HIRA: variants seen among roughly 807,000 people sequenced by gnomAD.
HIRA encodes protein HIRA.
A neutral mutation model predicts 126.6 loss-of-function variants in HIRA; 13 were observed. That is an observed-to-expected ratio of 0.10 (90% CI 0.07 to 0.16). The LOEUF is 0.16. Among genes scored for constraint, HIRA ranks in the 10% least tolerant of loss-of-function variants. The probability of loss-of-function intolerance (pLI) is 1.00; values close to 1 mark genes in which losing one functional copy is unlikely to be tolerated. For missense variants in HIRA, 834 were observed against 1,314.4 expected, an observed-to-expected ratio of 0.63 and a Z score of 5.65; for synonymous variants, 511 against 520.0, an observed-to-expected ratio of 0.98 and a Z score of 0.24.
intron 23 of HIRA, among the ~76,000 whole-genome samples, chr22:19,352,568 CAT>C (rs1464899193): frequency 3.5e-4 from 53 of 152,300 alleles, no homozygotes; most frequent in Admixed American, 4.6e-4. Flanking sequence ...CACACACACA[CAT>C]ACACTCGTAT....
At chr22:19,335,301 G>C (rs1471733618) in intron 24 of HIRA, among the ~76,000 whole-genome samples, 1 of 151,794 alleles carries the variant, frequency 6.6e-6, no homozygotes, top group East Asian at 1.9e-4. Flanking sequence ...CTGGAGTGCA[G>C]TGGCGTGATC....
At position 19,385,679 on chromosome 22, in the gene HIRA, G is replaced by T; in HGVS notation, c.1171C>A (p.Leu391Ile). The part of the protein sequence containing the change: ...KSLAIMTEAQ[L>I]STAVIENPEM... ...GGGTTCTCAATGACGGCTGTGGAGA[G>T]CTGGGCCTCGGTCATGATGGCTAGG... Residue 391 changes from leucine (L) to isoleucine (I), a missense_variant, in exon 12 of 25, where the codon CTC becomes ATC. Around this residue, in one of 5 missense-constraint regions of HIRA, gnomAD observed 153 missense variants for 270.6 expected, o/e 0.57. Coordinates refer to ENST00000263208, the MANE Select transcript of HIRA (RefSeq NM_003325.4). 1 of 1,614,202 alleles carries T rather than the reference G, an allele frequency of 6.2e-7. No homozygotes were observed. Among genetic ancestry groups the T allele is most frequent in the Non-Finnish European group, 8.5e-7 (1 of 1,180,034 alleles).
At position 19,351,668 on chromosome 22, in the gene HIRA, C is replaced by T. The variant is rs1295606447; in HGVS notation, c.2849-222G>A. Among the ~76,000 whole-genome samples the T allele has an allele frequency of 6.6e-6, 1 of 152,174 alleles. No homozygotes were observed. Among genetic ancestry groups the T allele is most frequent in the African/African-American group, 2.4e-5 (1 of 41,422 alleles). ...AGATTTTCACTCACTTGCTCACTCC[C>T]CTGACATCTGTAGTGCCTCCTCTGT... On this transcript the variant is annotated intron_variant, in intron 23 of 24. Transcript: ENST00000263208. The surrounding 1 kb of genome is among the most constrained non-coding windows in gnomAD (Gnocchi z 4.8).
At chr22:19,333,370 T>A (rs2088517931) in intron 24 of HIRA, among the ~76,000 whole-genome samples, 1 of 152,148 alleles carries the variant, frequency 6.6e-6, no homozygotes, top group African/African-American at 2.4e-5. Flanking sequence ...CTAAGAAATT[T>A]GAACATTTAG....
chr22:19,355,561 C>T (rs2088803448), intron 21 of HIRA, among the ~76,000 whole-genome samples, 199 bp downstream of exon 21: 1 of 152,228 alleles, frequency 6.6e-6, no homozygotes, highest in African/African-American at 2.4e-5. Flanking sequence ...CACACAGGCT[C>T]TGAGGGCAGA....
chr22:19,407,514 G>A (rs1284738149), intron 3 of HIRA, among the ~76,000 whole-genome samples: 1 of 152,214 alleles, frequency 6.6e-6, no homozygotes, highest in Admixed American at 6.5e-5. Context: ...AGAATCGTTA[G>A]TGCTGAATGA....
Position 19,331,448 on chromosome 22 carries a change from C to G in HIRA, c.3046G>C (p.Asp1016His). 6.2e-7 allele frequency: 1 copy of G among 1,614,040 alleles called. No homozygotes were observed. The highest frequency in any genetic ancestry group is 8.5e-7 in the Non-Finnish European group (1 of 1,179,984). ...GGGCAGGCTGGGGCAGGCTACTTGT[C>G]CCTCAGGATGTCGAGCTGTTCCTGA... ...ECQEQLDILRDK is the reference protein window; with the variant it reads ...ECQEQLDILRHK Residue 1016 changes from aspartate (D) to histidine (H), a missense_variant, in exon 25 of 25, where the codon GAC (aspartate) becomes CAC (histidine). Physicochemically the swap from Asp to His is moderately conservative, Grantham distance 81. This residue lies in a region of HIRA where 58 missense variants were observed against 114.5 expected (regional missense o/e 0.51). Coordinates refer to ENST00000263208, the MANE Select transcript of HIRA (RefSeq NM_003325.4).
intron 5 of HIRA, 92 bp downstream of exon 5, chr22:19,405,694 A>C (rs957257878): frequency 1.4e-5 from 14 of 1,013,928 alleles, no homozygotes; most frequent in African/African-American, 1.7e-5. Context: ...GGCTGCTTTA[A>C]GGACCAAACA....
intron 5 of HIRA, among the ~76,000 whole-genome samples, chr22:19,400,509 T>A (rs2089259264): frequency 6.6e-6 from 1 of 152,242 alleles, no homozygotes; most frequent in South Asian, 2.1e-4. Flanking sequence ...GAACTTTGAA[T>A]GTTTTCATCC....
intron 17 of HIRA, among the ~76,000 whole-genome samples, chr22:19,359,781 C>T (rs2088847203): frequency 6.6e-6 from 1 of 152,168 alleles, no homozygotes; most frequent in African/African-American, 2.4e-5. Flanking sequence ...CAAAGTCTCC[C>T]AACCCTGCCA....
chr22:19,396,771 A>G lies in HIRA; in HGVS notation c.654+16T>C, dbSNP rs1480096305. The G allele has an allele frequency of 6.2e-7, 1 of 1,613,138 alleles. No individual in the cohort carries two copies. Among genetic ancestry groups the G allele is most frequent in the African/African-American group, 1.3e-5 (1 of 75,004 alleles). On this transcript the variant is annotated intron_variant, in intron 7 of 24. Coordinates refer to ENST00000263208, the MANE Select transcript of HIRA (RefSeq NM_003325.4). The stretch of plus-strand genomic sequence containing the variant: ...GCAGCTGCGGGGGCTCAGCTCCCTG[A>G]GCTGTCCCCACTTACCTCATCAAAA...
intron 6 of HIRA, 113 bp downstream of exon 6, chr22:19,397,879 A>G: frequency 1.5e-6 from 1 of 656,178 alleles, no homozygotes; most frequent in Non-Finnish European, 2.7e-6. Flanking sequence ...CATAAATCCT[A>G]GGCCACTGTG....
intron 1 of HIRA, among the ~76,000 whole-genome samples, chr22:19,421,963 T>C (rs1286241200): frequency 6.6e-6 from 1 of 152,082 alleles, no homozygotes; most frequent in Non-Finnish European, 1.5e-5. Context: ...TGAGCCACCA[T>C]GCCCGGCCTG....
At position 19,385,562 on chromosome 22, in the gene HIRA, C is replaced by T. The variant is rs375105424; in HGVS notation, c.1288G>A (p.Ala430Thr). 33 of 1,614,010 alleles carry T rather than the reference C, an allele frequency of 2.0e-5. No individual in the cohort carries two copies. In the Middle Eastern group the frequency reaches 8.2e-4, roughly 40 times the overall value. ...AGACTCTCCCCGTTGACAACGCCTGCGACTGAGGTGGCTGAGCCCATCTCC... is the reference window on the plus strand; with the variant it reads ...AGACTCTCCCCGTTGACAACGCCTGTGACTGAGGTGGCTGAGCCCATCTCC... ...TREMGSATSV[A>T]GVVNGESLED... Residue 430 changes from alanine to threonine, a missense_variant, in exon 12 of 25, where the codon GCA becomes ACA. By Grantham distance (58) the Ala-to-Thr change is moderately conservative. Transcript: ENST00000263208.
intron 15 of HIRA, among the ~76,000 whole-genome samples, chr22:19,368,797 TC>T (rs1484101751): frequency 1.7e-4 from 26 of 152,288 alleles, no homozygotes; most frequent in Admixed American, 1.5e-3. Flanking sequence ...GGCGGTGGCT[TC>T]CTGAGCTCAC....
At chr22:19,404,064 C>T (rs2089289925) in intron 5 of HIRA, among the ~76,000 whole-genome samples, 1 of 152,134 alleles carries the variant, frequency 6.6e-6, no homozygotes, top group South Asian at 2.1e-4. Flanking sequence ...TTTTCTAGAT[C>T]TTTAAACTCT....
chr22:19,345,776 G>A (rs2088679992), intron 24 of HIRA, among the ~76,000 whole-genome samples: 1 of 152,140 alleles, frequency 6.6e-6, no homozygotes, highest in Non-Finnish European at 1.5e-5. Flanking sequence ...CTAAGAACAG[G>A]GCCTGGCTGG....
intron 12 of HIRA, among the ~76,000 whole-genome samples, chr22:19,384,542 G>A (rs574489286): frequency 5.7e-4 from 86 of 152,168 alleles, no homozygotes; most frequent in African/African-American, 2.0e-3. Flanking sequence ...CAAGCAGTGG[G>A]TACATGCCAC....
At chr22:19,389,474 G>A (rs2089157590) in intron 9 of HIRA, among the ~76,000 whole-genome samples, 1 of 152,228 alleles carries the variant, frequency 6.6e-6, no homozygotes, top group African/African-American at 2.4e-5. Flanking sequence ...CTGGGAGGCT[G>A]TGGGGCTGAG....
Sources: gnomAD v4.1 joint callset for allele counts (sites outside exome capture counted in the v4.1 genomes callset) on GRCh38, gnomAD v4.1.1 for gene constraint, gnomAD v4.1.1 regional missense constraint, Gnocchi (gnomAD v3.1) non-coding constraint, MANE v1.5 for transcripts, NCBI Gene and HGNC (gene_info 2026-07-23, HGNC 2026-07-21) for gene names.